Variants in RASGEF1A observed in about 807,000 individuals in gnomAD.
RASGEF1A encodes the protein ras-GEF domain-containing family member 1A.
RASGEF1A carries 18 observed loss-of-function variants against 56.4 expected under a neutral mutation model. The ratio of observed to expected loss-of-function variants is 0.32; its 90% CI spans 0.22 to 0.47. The LOEUF (loss-of-function observed/expected upper bound fraction) is 0.47, where lower values mean the gene tolerates loss of function less well. Among genes scored for constraint, RASGEF1A ranks in the 20% least tolerant of loss-of-function variants. The pLI, the probability that RASGEF1A is intolerant of heterozygous loss-of-function variation, is 1.00. For synonymous variants in RASGEF1A, 245 were observed against 242.6 expected, an observed-to-expected ratio of 1.01 and a Z score of -0.09; for missense variants, 422 against 627.1, an observed-to-expected ratio of 0.67 and a Z score of 3.49.
At chr10:43,232,631 T>G (rs948109136) in intron 1 of RASGEF1A, among the ~76,000 whole-genome samples, 4 of 151,876 alleles carry the variant, frequency 2.6e-5, no homozygotes, top group African/African-American at 9.7e-5. Context: ...GGATTACAGG[T>G]GCACGCCACC....
chr10:43,200,312 C>A, intron 5 of RASGEF1A, 56 bp from the exon 6 acceptor site: 1 of 1,456,152 alleles, frequency 6.9e-7, no homozygotes, highest in Non-Finnish European at 9.5e-7. Context: ...GAAGGGACAG[C>A]ACTGCATAGG....
At chr10:43,259,382 T>G (rs571265300) in intron 1 of RASGEF1A, among the ~76,000 whole-genome samples, 1 of 152,184 alleles carries the variant, frequency 6.6e-6, no homozygotes, top group Admixed American at 6.5e-5. Flanking sequence ...TCATCCACAC[T>G]TGCAGCCTTC....
rs1319302433 is a variant in RASGEF1A, at chr10:43,195,670, C to A, written c.*574G>T. ...ATGTAAACTTTGGACAGCCCGTACT[C>A]AAAGGCTCACTTCCAGAAGTGTGCG... On this transcript the variant is annotated 3_prime_UTR_variant, in exon 13 of 13. Transcript: ENST00000395810. This position sits in a 1 kb window ranked among gnomAD's most constrained non-coding sequence, Gnocchi z 4.2. The A allele has an allele frequency of 6.5e-6, 1 of 152,678 alleles. No individual in the cohort carries two copies. The highest frequency in any genetic ancestry group is 1.5e-5 in the Non-Finnish European group (1 of 68,068). The allele number at this position is 152,678 out of a possible 1,614,324, so 9.5% of individuals were successfully genotyped here.
intron 1 of RASGEF1A, among the ~76,000 whole-genome samples, chr10:43,215,362 A>G (rs1217941085): frequency 3.3e-5 from 5 of 152,220 alleles, no homozygotes; most frequent in Non-Finnish European, 1.5e-5. Flanking sequence ...TTAGCTCAGC[A>G]AGCTGCAGGG....
intron 1 of RASGEF1A, among the ~76,000 whole-genome samples, chr10:43,219,144 T>G (rs1840174549): frequency 6.6e-6 from 1 of 152,156 alleles, no homozygotes; most frequent in South Asian, 2.1e-4. Context: ...CAGCCTGGCC[T>G]CCCACTCCAG....
intron 1 of RASGEF1A, among the ~76,000 whole-genome samples, chr10:43,249,511 A>G (rs553122948): frequency 1.3e-5 from 2 of 152,356 alleles, no homozygotes; most frequent in African/African-American, 4.8e-5. Flanking sequence ...AGCAAGGCCC[A>G]GCCTCACCCT....
At chr10:43,243,859 G>A (rs560981602) in intron 1 of RASGEF1A, among the ~76,000 whole-genome samples, 186 of 152,262 alleles carry the variant, frequency 1.2e-3, no homozygotes, top group South Asian at 0.011. Context: ...AGGCCGCCCC[G>A]TCTGGGAAGT....
chr10:43,202,041 C>CCAGCA, intron 3 of RASGEF1A, 96 bp from the exon 4 acceptor site: 2 of 1,369,028 alleles, frequency 1.5e-6, no homozygotes, highest in Non-Finnish European at 2.0e-6. Flanking sequence ...AAGCCACACC[C>CCAGCA]CAGGCCCTGT....
chr10:43,206,435 C>A (rs12570866), intron 1 of RASGEF1A, among the ~76,000 whole-genome samples: 6 of 152,198 alleles, frequency 3.9e-5, no homozygotes, highest in Non-Finnish European at 8.8e-5. Context: ...AGGGAGCCTG[C>A]GGTGGGCAGT....
chr10:43,250,260 G>A (rs1840613159), intron 1 of RASGEF1A, among the ~76,000 whole-genome samples: 1 of 152,232 alleles, frequency 6.6e-6, no homozygotes, highest in African/African-American at 2.4e-5. Flanking sequence ...TACAGCTGGG[G>A]AGAGGAGGGC....
At chr10:43,209,159 T>G (rs1840033672) in intron 1 of RASGEF1A, 1 of 985,388 alleles carries the variant, frequency 1.0e-6, no homozygotes, top group Non-Finnish European at 1.2e-6. Context: ...GGCTCTTGGC[T>G]CCAGTCACAG....
chr10:43,264,161 G>T (rs1196353607), intron 1 of RASGEF1A, among the ~76,000 whole-genome samples: 3 of 152,030 alleles, frequency 2.0e-5, no homozygotes, highest in Admixed American at 2.0e-4. Flanking sequence ...CCTGCTCCCG[G>T]GCTGCTAGCT....
chr10:43,227,916 T>C (rs1744964628), intron 1 of RASGEF1A, among the ~76,000 whole-genome samples: 1 of 151,848 alleles, frequency 6.6e-6, no homozygotes, highest in Middle Eastern at 3.2e-3. Flanking sequence ...CCAGAATCAG[T>C]CCTTCCCTCC....
chr10:43,219,322 C>T (rs1018954064), intron 1 of RASGEF1A, among the ~76,000 whole-genome samples: 1 of 152,232 alleles, frequency 6.6e-6, no homozygotes, highest in African/African-American at 2.4e-5. Context: ...TGCAAACTCA[C>T]GCAACCTTGG....
chr10:43,265,843 G>A (rs906899939), intron 1 of RASGEF1A, among the ~76,000 whole-genome samples: 1 of 152,248 alleles, frequency 6.6e-6, no homozygotes, highest in African/African-American at 2.4e-5. Context: ...TGGGGGGACA[G>A]AGGGAACCAA....
intron 2 of RASGEF1A, among the ~76,000 whole-genome samples, chr10:43,204,970 C>A (rs1027857263): frequency 6.6e-6 from 1 of 152,186 alleles, no homozygotes; most frequent in African/African-American, 2.4e-5. Context: ...ACAGGGCTTA[C>A]GGGACAGACA....
chr10:43,229,832 G>T, intron 1 of RASGEF1A: 1 of 974,704 alleles, frequency 1.0e-6, no homozygotes, highest in African/African-American at 1.7e-5. Flanking sequence ...GGGACCGCGG[G>T]GTCCGGGCGG....
intron 1 of RASGEF1A, chr10:43,208,557 C>T (rs952542672): frequency 8.1e-6 from 8 of 985,544 alleles, no homozygotes; most frequent in African/African-American, 1.7e-5. Flanking sequence ...TGCACATGCT[C>T]AGAATCCCTT....
At position 43,206,112 on chromosome 10, in the gene RASGEF1A, G is replaced by A. The variant is rs375686822; in HGVS notation, c.5C>T (p.Pro2Leu). 1.1e-5 allele frequency: 17 copies of A among 1,578,936 alleles called. No homozygotes were observed. The South Asian group carries it at 1.8e-4, about 17-fold the overall frequency. ...GCTGGAGAAGACAACGGACGTCTGGGGCATAGTTTCCTGGGAGAAAAGAGC... is the reference window on the plus strand; with the variant it reads ...GCTGGAGAAGACAACGGACGTCTGGAGCATAGTTTCCTGGGAGAAAAGAGC... M[P>L]QTSVVFSSIL... The change falls in exon 2 of 13, where the codon CCC (proline) becomes CTC (leucine). Residue 2 changes from proline to leucine, a missense_variant. This residue lies in a region of RASGEF1A where 273 missense variants were observed against 339.9 expected (regional missense o/e 0.80). Transcript: ENST00000395810.
Sources: gnomAD v4.1 joint callset for allele counts (sites outside exome capture counted in the v4.1 genomes callset) on GRCh38, gnomAD v4.1.1 for gene constraint, gnomAD v4.1.1 regional missense constraint, Gnocchi (gnomAD v3.1) non-coding constraint, MANE v1.5 for transcripts, NCBI Gene and HGNC (gene_info 2026-07-23, HGNC 2026-07-21) for gene names.